The following NOX4 variants were observed in gnomAD, a reference collection of about 807,000 sequenced individuals.
NOX4 encodes the protein kidney oxidase-1.
NOX4 carries 69 observed loss-of-function variants against 87.6 expected under a neutral mutation model. The ratio of observed to expected loss-of-function variants is 0.79; its 90% CI spans 0.65 to 0.96. The LOEUF is 0.96. Ranked by LOEUF, NOX4 falls within the 40% of genes least tolerant of loss-of-function variation. The pLI is 0.00. For synonymous variants in NOX4, 275 were observed against 238.2 expected (o/e 1.15, Z -1.42); for missense variants, 680 against 681.5 (o/e 1.00, Z 0.02).
intron 2 of NOX4, among the ~76,000 whole-genome samples, chr11:89,463,122 T>C (rs904452808): frequency 6.6e-6 from 1 of 151,956 alleles, no homozygotes; most frequent in Non-Finnish European, 1.5e-5. Flanking sequence ...TCAGATTCTG[T>C]CCATTTAATA....
At chr11:89,528,651 G>C in the NOX4 span, among the ~76,000 whole-genome samples, 1 of 152,152 alleles carries the variant, frequency 6.6e-6, no homozygotes, top group Non-Finnish European at 1.5e-5. Flanking sequence ...TTGTGAAGAA[G>C]GTACCTCGCT....
chr11:89,328,157 C>A (rs1439703214), intron 17 of NOX4, among the ~76,000 whole-genome samples: 1 of 152,126 alleles, frequency 6.6e-6, no homozygotes, highest in Non-Finnish European at 1.5e-5. Flanking sequence ...GAAGGGAGAT[C>A]CACAGAAAGA....
At chr11:89,533,726 C>T in the NOX4 span, 1 of 152,238 alleles carries the variant, frequency 6.6e-6, no homozygotes, top group African/African-American at 2.4e-5. Context: ...AGACCCCAGG[C>T]TACGGCTATC....
intron 11 of NOX4, among the ~76,000 whole-genome samples, chr11:89,394,551 G>A (rs998371649): frequency 2.0e-5 from 3 of 151,990 alleles, no homozygotes; most frequent in Admixed American, 6.6e-5. Flanking sequence ...CGTGCACAAC[G>A]TGCAGGTTTG....
At chr11:89,425,860 CAT>C (rs746912444) in intron 7 of NOX4, among the ~76,000 whole-genome samples, 29 of 151,778 alleles carry the variant, frequency 1.9e-4, no homozygotes, top group South Asian at 1.7e-3. Flanking sequence ...AGCATATATA[CAT>C]ATATATATAT....
chr11:89,336,661 A>C (rs1945728549), intron 16 of NOX4, among the ~76,000 whole-genome samples: 1 of 151,950 alleles, frequency 6.6e-6, no homozygotes, highest in South Asian at 2.1e-4. Flanking sequence ...ACCAGATGCA[A>C]ATTATGCTTC....
chr11:89,472,335 G>T (rs1945980259), intron 2 of NOX4, among the ~76,000 whole-genome samples: 1 of 151,786 alleles, frequency 6.6e-6, no homozygotes. Context: ...TTTGACTCAA[G>T]TTGACCTATC....
chr11:89,520,946 G>A, the NOX4 span, among the ~76,000 whole-genome samples: 1 of 151,958 alleles, frequency 6.6e-6, no homozygotes, highest in Non-Finnish European at 1.5e-5. Context: ...ATTTGCAATA[G>A]CCACACACAT....
Position 89,444,135 on chromosome 11 carries a change from C to T in NOX4, c.447G>A (p.Glu149=), listed in dbSNP as rs769563590. The stretch of plus-strand genomic sequence containing the variant: ...AAATGGGAAGACAGAGACCACCCAC[C>T]TCATCTCGGTATCTTGCTGCATTCA... ...VELNAARYRD[E]DPRKLLFTTV... Residue 149 remains glutamate, a splice_region_variant and synonymous_variant, in exon 5 of 18, where the codon GAG becomes GAA. Transcript: ENST00000263317. 2 of 1,612,818 alleles carry T rather than the reference C, an allele frequency of 1.2e-6. No individual in the cohort carries two copies. The highest frequency in any genetic ancestry group is 1.7e-5 in the Admixed American group (1 of 59,946).
intron 5 of NOX4, 77 bp downstream of exon 5, chr11:89,444,058 T>G: frequency 7.9e-7 from 1 of 1,272,418 alleles, no homozygotes; most frequent in Non-Finnish European, 1.1e-6. Flanking sequence ...GGTACAAATT[T>G]TCAGGGAAAA....
At chr11:89,566,372 T>C in the NOX4 span, among the ~76,000 whole-genome samples, 7 of 152,298 alleles carry the variant, frequency 4.6e-5, no homozygotes, top group South Asian at 1.5e-3. Context: ...ATAATATACT[T>C]GTTTGCTTTT....
At chr11:89,452,605 T>G (rs1169899574) in intron 2 of NOX4, among the ~76,000 whole-genome samples, 1 of 152,176 alleles carries the variant, frequency 6.6e-6, no homozygotes, top group Non-Finnish European at 1.5e-5. Context: ...ATGGGTACAA[T>G]ATGATGTTTT....
chr11:89,382,347 C>A (rs147378066), intron 11 of NOX4, among the ~76,000 whole-genome samples: 14,156 of 152,102 alleles, frequency 0.093, 803 homozygotes, highest in South Asian at 0.19. Context: ...TGCCACTTGA[C>A]CCCAATACAA....
chr11:89,527,000 A>C, the NOX4 span, among the ~76,000 whole-genome samples: 1 of 152,168 alleles, frequency 6.6e-6, no homozygotes, highest in Admixed American at 6.5e-5. Flanking sequence ...TGCTGATAGT[A>C]ATATGACAAT....
the NOX4 span, among the ~76,000 whole-genome samples, chr11:89,579,698 T>C: frequency 1.3e-5 from 2 of 152,134 alleles, no homozygotes; most frequent in African/African-American, 4.8e-5. Flanking sequence ...ATCATACTAA[T>C]GTAAGAGATT....
the NOX4 span, among the ~76,000 whole-genome samples, chr11:89,540,428 C>CT: frequency 1.1e-4 from 13 of 121,962 alleles, no homozygotes; most frequent in African/African-American, 2.1e-4. Context: ...GTTCAAAAGC[C>CT]ATTTTTTTTT....
At chr11:89,586,746 AAC>A in the NOX4 span, among the ~76,000 whole-genome samples, 3 of 152,178 alleles carry the variant, frequency 2.0e-5, no homozygotes, top group African/African-American at 7.2e-5. Context: ...TTGCAGATAA[AAC>A]AACACTTCAC....
At chr11:89,476,372 A>C (rs1946169347) in intron 2 of NOX4, among the ~76,000 whole-genome samples, 1 of 152,124 alleles carries the variant, frequency 6.6e-6, no homozygotes. Context: ...ATAGAAGTTA[A>C]ATCATACTTA....
intron 8 of NOX4, among the ~76,000 whole-genome samples, chr11:89,407,826 C>T (rs563977498): frequency 8.0e-6 from 1 of 125,346 alleles, no homozygotes; most frequent in African/African-American, 2.9e-5. Flanking sequence ...AAGGACAATG[C>T]CAGAATCATC....
Sources: allele counts gnomAD v4.1 joint callset (sites outside exome capture counted in the v4.1 genomes callset), GRCh38; gene constraint gnomAD v4.1.1; transcripts MANE v1.5; gene names NCBI Gene and HGNC (gene_info 2026-07-23, HGNC 2026-07-21).